CTNND2: variants seen among roughly 807,000 people sequenced by gnomAD.
CTNND2 encodes catenin delta-2.
A neutral mutation model predicts 144.4 loss-of-function variants in CTNND2; 22 were observed. That is an observed-to-expected ratio of 0.15 (90% CI 0.11 to 0.22). The LOEUF (loss-of-function observed/expected upper bound fraction) is 0.22. Among genes scored for constraint, CTNND2 ranks in the 10% least tolerant of loss-of-function variants. The pLI is 1.00. For missense variants in CTNND2, 1,353 were observed against 1,618.8 expected, an observed-to-expected ratio of 0.84 and a Z score of 2.82; for synonymous variants, 751 against 695.6, an observed-to-expected ratio of 1.08 and a Z score of -1.25.
At chr5:11,194,041 A>G (rs567101762) in intron 11 of CTNND2, among the ~76,000 whole-genome samples, 38 of 152,296 alleles carry the variant, frequency 2.5e-4, no homozygotes, top group African/African-American at 8.7e-4. Flanking sequence ...CCATGGACAT[A>G]ATGGAATAGA....
At chr5:11,655,860 C>T (rs908560980) in intron 2 of CTNND2, among the ~76,000 whole-genome samples, 5 of 151,986 alleles carry the variant, frequency 3.3e-5, no homozygotes, top group Non-Finnish European at 5.9e-5. Context: ...CTCCAGGTTT[C>T]CCAAGTTGCT....
At position 11,133,941 on chromosome 5, in the gene CTNND2, T is replaced by C. The variant is rs371945329; in HGVS notation, c.2160-16374A>G. The stretch of plus-strand genomic sequence containing the variant: ...TCTAAAGACATCTCTCCAAGATTCC[T>C]ACCCTTTGGTCGCTCAACCAAATAC... On this transcript the variant is annotated intron_variant, in intron 12 of 21. Transcript: ENST00000304623. Among the ~76,000 whole-genome samples the C allele has an allele frequency of 3.3e-5, 5 of 152,356 alleles. No homozygotes were observed. The East Asian group carries it at 9.7e-4, about 29-fold the overall frequency.
At chr5:11,737,194 G>A (rs1787734462) in intron 1 of CTNND2, among the ~76,000 whole-genome samples, 1 of 152,190 alleles carries the variant, frequency 6.6e-6, no homozygotes, top group Non-Finnish European at 1.5e-5. Flanking sequence ...GAAAGGTCAT[G>A]AGAATGTTAC....
intron 9 of CTNND2, among the ~76,000 whole-genome samples, chr5:11,258,287 GC>G (rs1358329526): frequency 1.3e-5 from 2 of 152,162 alleles, no homozygotes; most frequent in Admixed American, 1.3e-4. Flanking sequence ...AGCTGACCAG[GC>G]CCAAAGCATT....
intron 2 of CTNND2, among the ~76,000 whole-genome samples, chr5:11,677,161 C>G (rs188167877): frequency 6.6e-6 from 1 of 152,318 alleles, no homozygotes; most frequent in African/African-American, 2.4e-5. Context: ...AGAGTCTATT[C>G]TTGCAATAAA....
intron 12 of CTNND2, among the ~76,000 whole-genome samples, chr5:11,134,311 G>T (rs1000836122): frequency 6.6e-6 from 1 of 152,190 alleles, no homozygotes; most frequent in African/African-American, 2.4e-5. Flanking sequence ...AATTTAGCCA[G>T]CAACCTGAAC....
At chr5:11,708,288 G>A (rs976192317) in intron 2 of CTNND2, among the ~76,000 whole-genome samples, 4 of 151,928 alleles carry the variant, frequency 2.6e-5, no homozygotes, top group African/African-American at 9.7e-5. Context: ...GTAATAAATT[G>A]TATTTAATTT....
chr5:11,308,892 C>T (rs1252075234), intron 9 of CTNND2, among the ~76,000 whole-genome samples: 1 of 152,032 alleles, frequency 6.6e-6, no homozygotes, highest in African/African-American at 2.4e-5. Flanking sequence ...GGGGAGGCCT[C>T]GGCAGAAGGC....
intron 2 of CTNND2, among the ~76,000 whole-genome samples, chr5:11,575,293 T>A (rs1025341381): frequency 2.0e-5 from 3 of 152,170 alleles, no homozygotes; most frequent in Non-Finnish European, 4.4e-5. Context: ...ATGCCTTACT[T>A]GACCTCAACA....
intron 2 of CTNND2, among the ~76,000 whole-genome samples, chr5:11,657,603 C>T (rs1383348184): frequency 6.6e-6 from 1 of 152,014 alleles, no homozygotes; most frequent in Non-Finnish European, 1.5e-5. Context: ...TTAATTCTGA[C>T]CATTAGTCAA....
At chr5:11,600,521 CA>C (rs1779731719) in intron 2 of CTNND2, among the ~76,000 whole-genome samples, 1 of 151,798 alleles carries the variant, frequency 6.6e-6, no homozygotes, top group Non-Finnish European at 1.5e-5. Flanking sequence ...GTTTGACCAA[CA>C]TAGTGAAACC....
intron 2 of CTNND2, among the ~76,000 whole-genome samples, chr5:11,699,317 T>C (rs1465656745): frequency 2.0e-5 from 3 of 151,884 alleles, no homozygotes; most frequent in Admixed American, 6.6e-5. Flanking sequence ...CACAGAAGCA[T>C]GAATGCAATG....
intron 2 of CTNND2, among the ~76,000 whole-genome samples, chr5:11,716,436 T>A (rs909357717): frequency 2.6e-5 from 4 of 152,188 alleles, no homozygotes; most frequent in Admixed American, 2.6e-4. Flanking sequence ...ATAAGAGAGA[T>A]TATTTACTTT....
intron 3 of CTNND2, among the ~76,000 whole-genome samples, chr5:11,545,441 G>A (rs746369644): frequency 6.6e-6 from 1 of 151,920 alleles, no homozygotes; most frequent in Non-Finnish European, 1.5e-5. Flanking sequence ...GGAGGCTGAG[G>A]TGGGTGGATC....
intron 16 of CTNND2, among the ~76,000 whole-genome samples, chr5:11,054,605 T>G (rs375956810): frequency 3.3e-5 from 5 of 152,164 alleles, no homozygotes; most frequent in African/African-American, 1.2e-4. Context: ...CCATCGTTCA[T>G]CATCTCCCAG....
intron 1 of CTNND2, among the ~76,000 whole-genome samples, chr5:11,866,576 G>C (rs796893209): frequency 4.6e-5 from 7 of 152,314 alleles, no homozygotes; most frequent in African/African-American, 1.7e-4. Flanking sequence ...ACATTTCAGA[G>C]ACTGGGAGAA....
At chr5:11,221,658 T>C (rs942819557) in intron 10 of CTNND2, among the ~76,000 whole-genome samples, 1 of 152,228 alleles carries the variant, frequency 6.6e-6, no homozygotes, top group African/African-American at 2.4e-5. Flanking sequence ...TCTCAGTATT[T>C]TCACAAAATG....
chr5:11,798,909 ATGTT>A (rs1791539620), intron 1 of CTNND2, among the ~76,000 whole-genome samples: 2 of 152,190 alleles, frequency 1.3e-5, no homozygotes, highest in Admixed American at 1.3e-4. Context: ...TGACTTTAAA[ATGTT>A]TGTGCTCTTT....
At chr5:11,074,507 C>T (rs1748702104) in intron 16 of CTNND2, among the ~76,000 whole-genome samples, 1 of 152,154 alleles carries the variant, frequency 6.6e-6, no homozygotes, top group Non-Finnish European at 1.5e-5. Flanking sequence ...TCTGTTCATT[C>T]CCCAGTTCAT....
Sources: allele counts gnomAD v4.1 joint callset (sites outside exome capture counted in the v4.1 genomes callset), GRCh38; gene constraint gnomAD v4.1.1; transcripts MANE v1.5; gene names NCBI Gene and HGNC (gene_info 2026-07-23, HGNC 2026-07-21).